TAF10: variants seen among roughly 807,000 people sequenced by gnomAD.
TAF10 encodes transcription initiation factor TFIID subunit 10.
Under a neutral mutation model 18.1 loss-of-function variants are expected in TAF10, and 2 were observed. The observed-to-expected ratio is 0.11, with a 90% confidence interval of 0.05 to 0.35. The LOEUF is 0.35. TAF10 is among the 10% of genes least tolerant of loss of function. The pLI is 1.00. For synonymous variants in TAF10, 158 were observed against 134.6 expected (o/e 1.17, Z -1.20); for missense variants, 293 against 306.9 (o/e 0.95, Z 0.34).
rs1436591202 is a variant in TAF10, at chr11:6,606,686, T to C, written c.*4236A>G. 6.6e-6 allele frequency: 1 copy of C among 152,232 alleles called. No homozygotes were observed. The highest frequency in any genetic ancestry group is 2.4e-5 in the African/African-American group (1 of 41,442). The allele number at this position is 152,232 out of a possible 1,614,324, so 9.4% of individuals were successfully genotyped here. A position where few individuals can be genotyped will look rare whatever the true frequency, so the allele number is the denominator to read the frequency against. ...AAAGTATGGGGGCCAAAGTTGGCTA[T>C]ATGCTGGATATGAAGAGGGGGTTAA... is the stretch of plus-strand genomic sequence containing the variant. On this transcript the variant is annotated 3_prime_UTR_variant, in exon 5 of 5. Transcript: ENST00000299424.
rs2134554204 is a variant in TAF10 at position 6,608,310 on chromosome 11, C to T, written c.*2612G>A. 6.4e-7 allele frequency: 1 copy of T among 1,567,930 alleles called. No homozygotes were observed. The highest frequency in any genetic ancestry group is 8.8e-7 in the Non-Finnish European group (1 of 1,137,996). On this transcript the variant is annotated 3_prime_UTR_variant, in exon 5 of 5. Coordinates refer to ENST00000299424, the MANE Select transcript of TAF10 (RefSeq NM_006284.4). This position sits in a 1 kb window ranked among gnomAD's most constrained non-coding sequence, Gnocchi z 4.9. ...GTAGAAAGCATGTGTGCTCTTCCCC[C>T]TTTTCCCATGCCCTGACACCAGTAT...
chr11:6,612,045 C>T lies in TAF10; in HGVS notation c.145G>A (p.Ala49Thr). 6.8e-7 allele frequency: 1 copy of T among 1,478,856 alleles called. No homozygotes were observed. The highest frequency in any genetic ancestry group is 8.9e-7 in the Non-Finnish European group (1 of 1,123,856). The allele number at this position is 1,478,856 out of a possible 1,614,324, so 91.6% of individuals were successfully genotyped here. A position where few individuals can be genotyped will look rare whatever the true frequency, so the allele number is the denominator to read the frequency against. Reference sequence around the variant, plus strand: ...GCTGCTCCAGCCCCAGGTCCCCCCGCTGTCCCCGCGGGGCTGGCCTTGTTC... The same window carrying T: ...GCTGCTCCAGCCCCAGGTCCCCCCGTTGTCCCCGCGGGGCTGGCCTTGTTC... ...AENKASPAGT[A>T]GGPGAGAAAG... The change falls in exon 1 of 5, where the codon GCG becomes ACG. Residue 49 changes from alanine (A) to threonine (T), a missense_variant. Ala to Thr is a moderately conservative substitution (Grantham distance 58). Transcript: ENST00000299424.
At position 6,606,507 on chromosome 11, in the gene TAF10, G is replaced by C. The variant is rs944181711; in HGVS notation, c.*4415C>G. ...AGACAGTAAGCACTGTTACTGTTTT[G>C]TTGGTGAGGAAATAGAGGCTTAGGC... On this transcript the variant is annotated 3_prime_UTR_variant, in exon 5 of 5. Transcript: ENST00000299424. 6.6e-6 allele frequency: 1 copy of C among 152,196 alleles called. No homozygotes were observed. The highest frequency in any genetic ancestry group is 2.1e-4 in the South Asian group (1 of 4,826). 9.4% of individuals were successfully genotyped at this position (152,196 alleles called of 1,614,324 possible).
chr11:6,611,752 G>T lies in TAF10; in HGVS notation c.299C>A (p.Pro100Gln), dbSNP rs1375234020. The change falls in exon 2 of 5, where the codon CCG (proline) becomes CAG (glutamine). Residue 100 changes from proline to glutamine, a missense_variant. Coordinates refer to ENST00000299424, the MANE Select transcript of TAF10 (RefSeq NM_006284.4). The part of the protein sequence containing the change: ...GAISNGVYVL[P>Q]SAANGDVKPV... ...CTTCACGTCTCCGTTGGCCGCGCTC[G>T]GCAGTACGTAAACCCCGTTAGATAT... 22 of 1,611,648 alleles carry T rather than the reference G, an allele frequency of 1.4e-5. No homozygotes were observed. Among genetic ancestry groups the T allele is most frequent in the Non-Finnish European group, 1.8e-5 (21 of 1,178,878 alleles).
rs146642176 is a variant in TAF10, at chr11:6,610,515, G to T, written c.*407C>A. ...TCCCACCAGGTATTTCCCCTCATGT[G>T]TGTAAGCTCATGAAGATCTGCATGA... On this transcript the variant is annotated 3_prime_UTR_variant, in exon 5 of 5. Transcript: ENST00000299424. 6.2e-6 allele frequency: 10 copies of T among 1,614,230 alleles called. No individual in the cohort carries two copies. The African/African-American group carries it at 6.7e-5, about 11-fold the overall frequency.
At position 6,609,989 on chromosome 11, in the gene TAF10, C is replaced by T. The variant is rs1358304642; in HGVS notation, c.*933G>A. On this transcript the variant is annotated 3_prime_UTR_variant, in exon 5 of 5. Coordinates refer to ENST00000299424, the MANE Select transcript of TAF10 (RefSeq NM_006284.4). The stretch of plus-strand genomic sequence containing the variant: ...GCATGGCTGATGTCAAGTTCTCTTT[C>T]CAATGTCCTGGTCGCATGTATGCAC... The T allele has an allele frequency of 1.2e-5, 20 of 1,614,194 alleles. No individual in the cohort carries two copies. The highest frequency in any genetic ancestry group is 1.6e-5 in the Non-Finnish European group (19 of 1,180,044).
rs748636699 is a variant in TAF10, at chr11:6,609,198, T to G, written c.*1724A>C. On this transcript the variant is annotated 3_prime_UTR_variant, in exon 5 of 5. Coordinates refer to ENST00000299424, the MANE Select transcript of TAF10 (RefSeq NM_006284.4). ...TTGCCCTTCCCTCACTAAACCCCCA[T>G]AAATTACTTGCTTTGTACCTGTTTT... The G allele has an allele frequency of 6.3e-7, 1 of 1,599,646 alleles. No individual in the cohort carries two copies. Among genetic ancestry groups the G allele is most frequent in the African/African-American group, 1.3e-5 (1 of 74,654 alleles).
Position 6,610,694 on chromosome 11 carries a change from T to A in TAF10, c.*228A>T. The A allele has an allele frequency of 6.4e-7, 1 of 1,552,914 alleles. No homozygotes were observed. On this transcript the variant is annotated 3_prime_UTR_variant, in exon 5 of 5. Transcript: ENST00000299424. ...CCTCCCCAAAGCAGCAGGCCTCTGG[T>A]TGCCTCCCCCGCCTCCAGTCATGGT...
In TAF10 at chr11:6,608,104, G is replaced by A; in HGVS notation, c.*2818C>T. On this transcript the variant is annotated 3_prime_UTR_variant, in exon 5 of 5. Coordinates refer to ENST00000299424, the MANE Select transcript of TAF10 (RefSeq NM_006284.4). This position sits in a 1 kb window ranked among gnomAD's most constrained non-coding sequence, Gnocchi z 4.9. The stretch of plus-strand genomic sequence containing the variant: ...CTGCCGAGAGGGCCGCTCTGCTGTG[G>A]TTGAGATGTTGATCATGCGGGGGGC... The A allele has an allele frequency of 6.2e-7, 1 of 1,614,186 alleles. No individual in the cohort carries two copies.
Position 6,610,765 on chromosome 11 carries a change from T to G in TAF10, c.*157A>C. The G allele has an allele frequency of 7.5e-7, 1 of 1,325,220 alleles. No homozygotes were observed. The highest frequency in any genetic ancestry group is 1.1e-6 in the Non-Finnish European group (1 of 933,480). The allele number at this position is 1,325,220 out of a possible 1,614,324, so 82.1% of individuals were successfully genotyped here. ...CATCCCCTTCCCCCATCCCTACCACTGTGGCCCCAAGAGGGGCGGGCTCAG... is the reference window on the plus strand; with the variant it reads ...CATCCCCTTCCCCCATCCCTACCACGGTGGCCCCAAGAGGGGCGGGCTCAG... On this transcript the variant is annotated 3_prime_UTR_variant, in exon 5 of 5. Transcript: ENST00000299424.
Position 6,609,772 on chromosome 11 carries a change from C to G in TAF10, c.*1150G>C, listed in dbSNP as rs1021715262. The G allele has an allele frequency of 6.2e-7, 1 of 1,614,200 alleles. No homozygotes were observed. The highest frequency in any genetic ancestry group is 1.3e-5 in the African/African-American group (1 of 75,052). The stretch of plus-strand genomic sequence containing the variant: ...GCTGTGAAGTTTGCTTTGGACATGG[C>G]AAGGGGCATGGCCTTCCTACACACA... On this transcript the variant is annotated 3_prime_UTR_variant, in exon 5 of 5. Coordinates refer to ENST00000299424, the MANE Select transcript of TAF10 (RefSeq NM_006284.4).
chr11:6,610,083 G>A lies in TAF10; in HGVS notation c.*839C>T. ...GAGGTAAAAAAGGACCACCTCAGAA[G>A]TAGTGGAAGGGGGCAGAGACAGGAC... On this transcript the variant is annotated 3_prime_UTR_variant, in exon 5 of 5. Transcript: ENST00000299424. The A allele has an allele frequency of 6.2e-7, 1 of 1,614,176 alleles. No individual in the cohort carries two copies. The highest frequency in any genetic ancestry group is 8.5e-7 in the Non-Finnish European group (1 of 1,180,000).
Position 6,609,301 on chromosome 11 carries a change from A to G in TAF10, c.*1621T>C. 3 of 1,613,768 alleles carry G rather than the reference A, an allele frequency of 1.9e-6. No individual in the cohort carries two copies. Among genetic ancestry groups the G allele is most frequent in the East Asian group, 2.2e-5 (1 of 44,900 alleles). The stretch of plus-strand genomic sequence containing the variant: ...CCTAACCCCTACCTGTCCTGCAGCT[A>G]TGGAAGGGCCGCTGGCAGGGCAATG... On this transcript the variant is annotated 3_prime_UTR_variant, in exon 5 of 5. Transcript: ENST00000299424.
In TAF10 at chr11:6,607,718, G is replaced by A. The variant is rs770828582; in HGVS notation, c.*3204C>T. 2.6e-6 allele frequency: 1 copy of A among 377,518 alleles called. No homozygotes were observed. Among genetic ancestry groups the A allele is most frequent in the Non-Finnish European group, 5.0e-6 (1 of 198,852 alleles). 23.4% of individuals were successfully genotyped at this position (377,518 alleles called of 1,614,324 possible). ...AGTAGGGGGACATATAAGATGTGGT[G>A]GAAAACAGAAAGGACCAATAGATGT... On this transcript the variant is annotated 3_prime_UTR_variant, in exon 5 of 5. Coordinates refer to ENST00000299424, the MANE Select transcript of TAF10 (RefSeq NM_006284.4).
rs971181140 is a variant in TAF10, at chr11:6,609,177, C to A, written c.*1745G>T. 1 of 1,607,234 alleles carries A rather than the reference C, an allele frequency of 6.2e-7. No individual in the cohort carries two copies. Among genetic ancestry groups the A allele is most frequent in the African/African-American group, 1.3e-5 (1 of 74,866 alleles). ...GAGAGGTGACCCCTGCCCTTCTTGC[C>A]CTTCCCTCACTAAACCCCCATAAAT... On this transcript the variant is annotated 3_prime_UTR_variant, in exon 5 of 5. Coordinates refer to ENST00000299424, the MANE Select transcript of TAF10 (RefSeq NM_006284.4).
Position 6,608,511 on chromosome 11 carries a change from C to G in TAF10, c.*2411G>C, listed in dbSNP as rs765560411. On this transcript the variant is annotated 3_prime_UTR_variant, in exon 5 of 5. Coordinates refer to ENST00000299424, the MANE Select transcript of TAF10 (RefSeq NM_006284.4). This position sits in a 1 kb window ranked among gnomAD's most constrained non-coding sequence, Gnocchi z 4.9. ...AGAGGTGAGTACTCAGCCCTTAATT[C>G]CTGAGATGGGTAGGAAGTAAAGTCT... 6 of 1,585,290 alleles carry G rather than the reference C, an allele frequency of 3.8e-6. No individual in the cohort carries two copies. In the Admixed American group the frequency reaches 5.0e-5, roughly 13 times the overall value.
Position 6,608,886 on chromosome 11 carries a change from C to G in TAF10, c.*2036G>C. 1 of 1,614,124 alleles carries G rather than the reference C, an allele frequency of 6.2e-7. No homozygotes were observed. Among genetic ancestry groups the G allele is most frequent in the Non-Finnish European group, 8.5e-7 (1 of 1,179,992 alleles). ...CTTAGGTTGTTTTTCTTCCCTAGAG[C>G]GGGCAGAGAAGATGGGCCAGAATCT... On this transcript the variant is annotated 3_prime_UTR_variant, in exon 5 of 5. Transcript: ENST00000299424. The surrounding 1 kb of genome is among the most constrained non-coding windows in gnomAD (Gnocchi z 4.9).
intron 1 of TAF10, 59 bp from the exon 2 acceptor site, chr11:6,611,877 T>C: frequency 6.4e-7 from 1 of 1,570,384 alleles, no homozygotes; most frequent in Non-Finnish European, 8.6e-7. Context: ...CCCAGCTAGG[T>C]CTGTCTATAC....
In TAF10 at chr11:6,609,531, G is replaced by A. The variant is rs773291077; in HGVS notation, c.*1391C>T. ...TTCTAGGATTTTCTCGCATCCAAAT[G>A]TGCTCCCAGTGCTAGGTGCCTGCCA... is the stretch of plus-strand genomic sequence containing the variant. On this transcript the variant is annotated 3_prime_UTR_variant, in exon 5 of 5. Transcript: ENST00000299424. The A allele has an allele frequency of 6.2e-7, 1 of 1,614,038 alleles. No homozygotes were observed. The highest frequency in any genetic ancestry group is 8.5e-7 in the Non-Finnish European group (1 of 1,180,000).
Sources: allele counts gnomAD v4.1 joint callset, GRCh38; gene constraint gnomAD v4.1.1; non-coding constraint Gnocchi (gnomAD v3.1); transcripts MANE v1.5; gene names NCBI Gene and HGNC (gene_info 2026-07-23, HGNC 2026-07-21).